Variants in CFAP20DC observed in about 807,000 individuals in gnomAD.
The protein encoded by CFAP20DC is CFAP20 domain containing.
In CFAP20DC, 84 loss-of-function variants were observed where a neutral mutation model predicts 101.7. That is an observed-to-expected ratio of 0.83 (90% CI 0.69 to 0.99). CFAP20DC has a LOEUF of 0.99. Ranked by LOEUF, CFAP20DC falls within the 50% of genes least tolerant of loss-of-function variation. The probability of loss-of-function intolerance (pLI) is 0.00; values close to 1 mark genes in which losing one functional copy is unlikely to be tolerated. For missense variants in CFAP20DC, 1,007 were observed against 970.3 expected (o/e 1.04, Z -0.50); for synonymous variants, 359 against 351.2 (o/e 1.02, Z -0.25).
chr3:58,868,779 T>C lies in CFAP20DC; in HGVS notation c.1015+549A>G, dbSNP rs12638135. On this transcript the variant is annotated intron_variant, in intron 9 of 16. Transcript: ENST00000482387. The surrounding 1 kb of genome is among the most constrained non-coding windows in gnomAD (Gnocchi z 4.6). ...CTCAGTAAAGTCAGATCAGTAAGGG[T>C]AGAAAAAGTGACAGGGAATTCTAAG... 0.069 allele frequency among the ~76,000 whole-genome samples: 10,576 copies of C among 152,200 alleles called. 676 individuals are homozygous for C. Among genetic ancestry groups the C allele is most frequent in the East Asian group, 0.36 (1,863 of 5,168 alleles).
At position 58,940,084 on chromosome 3, in the gene CFAP20DC, T is replaced by C. The variant is rs76460552; in HGVS notation, c.279-2322A>G. On this transcript the variant is annotated intron_variant, in intron 4 of 16. Coordinates refer to ENST00000482387, the MANE Select transcript of CFAP20DC (RefSeq NM_001394063.1). ...GCCCAGCCAAACTACATATTTTTAATCTAAATAGTTAAGAGTCAAACTCCA... is the reference window on the plus strand; with the variant it reads ...GCCCAGCCAAACTACATATTTTTAACCTAAATAGTTAAGAGTCAAACTCCA... Among the ~76,000 whole-genome samples the C allele has an allele frequency of 9.7e-4, 148 of 152,280 alleles. 2 individuals carry two copies. In the East Asian group the frequency reaches 0.026, roughly 26 times the overall value.
chr3:58,907,695 GTACTTGGTTTACA>G (rs1309960419), intron 6 of CFAP20DC, among the ~76,000 whole-genome samples: 1 of 152,166 alleles, frequency 6.6e-6, no homozygotes, highest in Non-Finnish European at 1.5e-5. Context: ...TTTCTAAGAT[GTACTTGGTTTACA>G]CACTTTGTGT....
downstream of CFAP20DC, among the ~76,000 whole-genome samples, chr3:58,741,622 G>A (rs558369032): frequency 6.6e-6 from 1 of 151,856 alleles, no homozygotes; most frequent in Non-Finnish European, 1.5e-5. Flanking sequence ...TCAGCCTCCT[G>A]AGTAGCTGGG....
intron 4 of CFAP20DC, among the ~76,000 whole-genome samples, chr3:58,956,222 T>C (rs2090613861): frequency 6.6e-6 from 1 of 151,810 alleles, no homozygotes; most frequent in Non-Finnish European, 1.5e-5. Context: ...GCACCAAGCA[T>C]GTTCTTGGGG....
chr3:58,947,314 GTTA>G (rs1480524411), intron 4 of CFAP20DC, among the ~76,000 whole-genome samples: 2 of 152,194 alleles, frequency 1.3e-5, no homozygotes, highest in African/African-American at 4.8e-5. Flanking sequence ...TAGGGGAAAA[GTTA>G]TTAATGGAAA....
chr3:58,806,300 A>T, intron 15 of CFAP20DC, 95 bp downstream of exon 15: 1 of 820,932 alleles, frequency 1.2e-6, no homozygotes, highest in South Asian at 1.5e-5. Context: ...GGAAGCTAGA[A>T]GTTTTGGAAA....
At chr3:59,019,416 T>C (rs1203298463) in intron 4 of CFAP20DC, among the ~76,000 whole-genome samples, 1 of 151,872 alleles carries the variant, frequency 6.6e-6, no homozygotes, top group East Asian at 1.9e-4. Context: ...CAAGTGATTC[T>C]CCAGGCTCTC....
rs953562817 is a variant in CFAP20DC, at chr3:58,724,332, G to A, written c.198-6704C>T. Among the ~76,000 whole-genome samples the A allele has an allele frequency of 1.7e-4, 26 of 152,120 alleles. No homozygotes were observed. The highest frequency in any genetic ancestry group is 5.1e-4 in the African/African-American group (21 of 41,392). ...TGTATAAACTGGCCATAAAAATATG[G>A]GACAATAAGTTGTGGAAAGCCACAA... is the stretch of plus-strand genomic sequence containing the variant. On this transcript the variant is annotated intron_variant, in intron 3 of 3. Coordinates refer to the CFAP20DC transcript ENST00000486145. The surrounding 1 kb of genome is among the most constrained non-coding windows in gnomAD (Gnocchi z 5.6).
At chr3:58,841,472 G>T (rs747438575) in intron 13 of CFAP20DC, among the ~76,000 whole-genome samples, 6 of 152,134 alleles carry the variant, frequency 3.9e-5, no homozygotes, top group Non-Finnish European at 5.9e-5. Context: ...AAATTGCAGA[G>T]ACTTTTATTA....
chr3:58,950,200 A>G (rs934452652), intron 4 of CFAP20DC, among the ~76,000 whole-genome samples: 5 of 151,818 alleles, frequency 3.3e-5, no homozygotes, highest in African/African-American at 4.8e-5. Context: ...AATACCTAGG[A>G]TCCAACTTAC....
At chr3:59,022,686 C>T (rs1291631722) in intron 4 of CFAP20DC, among the ~76,000 whole-genome samples, 1 of 152,020 alleles carries the variant, frequency 6.6e-6, no homozygotes, top group East Asian at 1.9e-4. Flanking sequence ...ACATTACTGT[C>T]ATTGTTTGAA....
rs1435407958 is a variant in CFAP20DC, at chr3:59,006,706, TAG to T, written c.278+32849_278+32850del. On this transcript the variant is annotated intron_variant, in intron 4 of 16. Transcript: ENST00000482387. The surrounding 1 kb of genome is among the most constrained non-coding windows in gnomAD (Gnocchi z 4.3). Reference sequence around the variant, plus strand: ...GGAAGCCAACCCTGACAATATCTCATAGAGGCCCTAGGGGAAGACAGCCAGCA... The same window carrying T: ...GGAAGCCAACCCTGACAATATCTCATAGGCCCTAGGGGAAGACAGCCAGCA... Among the ~76,000 whole-genome samples the T allele has an allele frequency of 2.0e-5, 3 of 152,094 alleles. No individual in the cohort carries two copies. The highest frequency in any genetic ancestry group is 2.9e-5 in the Non-Finnish European group (2 of 68,018).
Position 58,868,363 on chromosome 3 carries a change from TGAA to T in CFAP20DC, c.1016-430_1016-428del, listed in dbSNP as rs1052497986. Among the ~76,000 whole-genome samples, 4 of 152,230 alleles carry T rather than the reference TGAA, an allele frequency of 2.6e-5. No homozygotes were observed. The highest frequency in any genetic ancestry group is 9.6e-5 in the African/African-American group (4 of 41,566). The stretch of plus-strand genomic sequence containing the variant: ...GAGCCCTGGAGAACTGAGGTCAAGC[TGAA>T]GAAGAACTTCTAAGTACGATTTAAT... On this transcript the variant is annotated intron_variant, in intron 9 of 16. Coordinates refer to ENST00000482387, the MANE Select transcript of CFAP20DC (RefSeq NM_001394063.1). This position sits in a 1 kb window ranked among gnomAD's most constrained non-coding sequence, Gnocchi z 4.6.
chr3:58,950,262 G>A (rs1003815646), intron 4 of CFAP20DC, among the ~76,000 whole-genome samples: 10 of 152,056 alleles, frequency 6.6e-5, no homozygotes, highest in Non-Finnish European at 7.4e-5. Flanking sequence ...AATAAAAGAG[G>A]ATACAAACAA....
At chr3:58,825,482 G>A (rs1326879964) in intron 14 of CFAP20DC, among the ~76,000 whole-genome samples, 1 of 151,850 alleles carries the variant, frequency 6.6e-6, no homozygotes, top group African/African-American at 2.4e-5. Flanking sequence ...ATATTTGTTT[G>A]GGCATCCCAT....
rs1325593280 is a variant in CFAP20DC at position 59,001,409 on chromosome 3, C to T, written c.278+38148G>A. On this transcript the variant is annotated intron_variant, in intron 4 of 16. Transcript: ENST00000482387. The surrounding 1 kb of genome is among the most constrained non-coding windows in gnomAD (Gnocchi z 4.5). ...CCCTCTCTCCCTCTCTCCCTCTCTC[C>T]TTCTCTCTCTCCTCTCTTAAGTTTC... 2.0e-5 allele frequency among the ~76,000 whole-genome samples: 3 copies of T among 151,980 alleles called. No homozygotes were observed. The highest frequency in any genetic ancestry group is 6.6e-5 in the Admixed American group (1 of 15,260).
chr3:58,919,428 C>A (rs1046270144), intron 5 of CFAP20DC, among the ~76,000 whole-genome samples: 1 of 152,114 alleles, frequency 6.6e-6, no homozygotes, highest in Non-Finnish European at 1.5e-5. Flanking sequence ...TGCTTTAAAC[C>A]AAGCCTTGAA....
At chr3:58,989,817 G>A (rs2092877510) in intron 4 of CFAP20DC, among the ~76,000 whole-genome samples, 1 of 152,060 alleles carries the variant, frequency 6.6e-6, no homozygotes, top group Non-Finnish European at 1.5e-5. Flanking sequence ...GCTTCATTTG[G>A]ATGAGAGCAA....
chr3:59,010,613 G>T (rs1025027697), intron 4 of CFAP20DC, among the ~76,000 whole-genome samples: 5 of 151,958 alleles, frequency 3.3e-5, no homozygotes, highest in African/African-American at 1.2e-4. Flanking sequence ...ATAATAATGG[G>T]GGACTTTAAT....
Sources: allele counts gnomAD v4.1 joint callset (sites outside exome capture counted in the v4.1 genomes callset), GRCh38; gene constraint gnomAD v4.1.1; non-coding constraint Gnocchi (gnomAD v3.1); transcripts MANE v1.5; gene names NCBI Gene and HGNC (gene_info 2026-07-23, HGNC 2026-07-21).